The following PPP2R2B variants were observed in gnomAD, a reference collection of about 807,000 sequenced individuals.
The protein encoded by PPP2R2B is serine/threonine-protein phosphatase 2A 55 kDa regulatory subunit B beta isoform.
In PPP2R2B, 5 loss-of-function variants were observed where a neutral mutation model predicts 46.0. That is an observed-to-expected ratio of 0.11 (90% confidence interval 0.06 to 0.23). PPP2R2B has a LOEUF of 0.23. PPP2R2B is among the 10% of genes least tolerant of loss of function. PPP2R2B has a pLI of 1.00. For synonymous variants in PPP2R2B, 215 were observed against 206.7 expected (o/e 1.04, Z -0.34); for missense variants, 367 against 575.0 (o/e 0.64, Z 3.70).
intron 1 of PPP2R2B, chr5:147,040,733 G>A (rs1290676048): frequency 4.4e-6 from 2 of 450,034 alleles, no homozygotes; most frequent in South Asian, 3.2e-5. Flanking sequence ...ATTCTTGAAG[G>A]TTTAATAACA....
At chr5:146,920,344 G>A (rs1269482646) in intron 1 of PPP2R2B, among the ~76,000 whole-genome samples, 1 of 152,178 alleles carries the variant, frequency 6.6e-6, no homozygotes, top group Non-Finnish European at 1.5e-5. Context: ...GCCCTTACCA[G>A]GCCCAATACA....
At chr5:146,652,459 C>T (rs901290251) in intron 5 of PPP2R2B, among the ~76,000 whole-genome samples, 15 of 152,144 alleles carry the variant, frequency 9.9e-5, no homozygotes, top group African/African-American at 3.1e-4. Flanking sequence ...GGGAGATAGA[C>T]ATAATTAAAA....
At chr5:146,881,107 T>A (rs1561984299), upstream of PPP2R2B, among the ~76,000 whole-genome samples, 1 of 152,092 alleles carries the variant, frequency 6.6e-6, no homozygotes, top group Non-Finnish European at 1.5e-5. Flanking sequence ...GCTGCAGAGA[T>A]CAGTCTTCAA....
intron 2 of PPP2R2B, among the ~76,000 whole-genome samples, chr5:146,861,981 G>C (rs1004188415): frequency 2.6e-5 from 4 of 150,954 alleles, no homozygotes; most frequent in African/African-American, 9.8e-5. Flanking sequence ...AGTTTCAGTT[G>C]CTCAGTAAAT....
intron 5 of PPP2R2B, among the ~76,000 whole-genome samples, chr5:146,688,986 G>T (rs1226499927): frequency 6.6e-6 from 1 of 152,104 alleles, no homozygotes; most frequent in Non-Finnish European, 1.5e-5. Context: ...TACGGTGTTT[G>T]CCACTTAGTA....
intron 2 of PPP2R2B, among the ~76,000 whole-genome samples, chr5:146,745,897 G>A (rs1753163394): frequency 6.6e-6 from 1 of 152,030 alleles, no homozygotes; most frequent in African/African-American, 2.4e-5. Context: ...GGCGGAGGCT[G>A]CAGTGAGCCA....
intron 1 of PPP2R2B, among the ~76,000 whole-genome samples, chr5:147,034,665 T>C (rs1755952873): frequency 6.6e-6 from 1 of 152,230 alleles, no homozygotes; most frequent in Admixed American, 6.5e-5. Context: ...GTAATAATAA[T>C]GATTGTATAT....
chr5:146,926,121 AC>A (rs1763774647), intron 1 of PPP2R2B, among the ~76,000 whole-genome samples: 1 of 152,070 alleles, frequency 6.6e-6, no homozygotes, highest in South Asian at 2.1e-4. Context: ...ATTTTTGTCC[AC>A]GAATATTTGG....
rs1298166227 is a variant in PPP2R2B, at chr5:147,018,884, A to G, written c.79+36781T>C. The stretch of plus-strand genomic sequence containing the variant: ...ACATCAGGCAAACTCAGAACAGAAG[A>G]TGATGGTGGTTATTATTTTAAAAAA... On this transcript the variant is annotated intron_variant, in intron 1 of 8. Coordinates refer to the PPP2R2B transcript ENST00000336640. Among the ~76,000 whole-genome samples, 3 of 152,164 alleles carry G rather than the reference A, an allele frequency of 2.0e-5. No individual in the cohort carries two copies. In the East Asian group the frequency reaches 5.8e-4, roughly 29 times the overall value.
At chr5:146,606,565 A>C (rs932792080) in intron 7 of PPP2R2B, among the ~76,000 whole-genome samples, 1 of 152,238 alleles carries the variant, frequency 6.6e-6, no homozygotes, top group Non-Finnish European at 1.5e-5. Flanking sequence ...CACTTAGCAA[A>C]GCGTCTGTAC....
chr5:146,672,167 G>C (rs1777414860), intron 5 of PPP2R2B, among the ~76,000 whole-genome samples: 1 of 152,170 alleles, frequency 6.6e-6, no homozygotes, highest in Non-Finnish European at 1.5e-5. Context: ...TTCACAATGG[G>C]AGACATCCAA....
At chr5:146,960,534 C>T (rs554969732) in intron 1 of PPP2R2B, among the ~76,000 whole-genome samples, 27 of 152,238 alleles carry the variant, frequency 1.8e-4, no homozygotes, top group Admixed American at 5.2e-4. Flanking sequence ...GTGATCCACC[C>T]GCCTCAGCCT....
rs1301133133 is a variant in PPP2R2B at position 146,589,744 on chromosome 5, G to T, written c.*203C>A. On this transcript the variant is annotated 3_prime_UTR_variant, in exon 10 of 10. Coordinates refer to ENST00000394411, the MANE Select transcript of PPP2R2B (RefSeq NM_181675.4). ...AGCTGGCAGCTTTCAATTCTAAACA[G>T]AAGTGTCCCAAACCTATTGGGTTTG... 15 of 574,946 alleles carry T rather than the reference G, an allele frequency of 2.6e-5. No homozygotes were observed. Among genetic ancestry groups the T allele is most frequent in the Non-Finnish European group, 3.3e-5 (11 of 328,568 alleles). The allele number at this position is 574,946 out of a possible 1,614,324, so 35.6% of individuals were successfully genotyped here.
At chr5:147,051,229 T>C (rs1256091682) in intron 1 of PPP2R2B, among the ~76,000 whole-genome samples, 3 of 152,214 alleles carry the variant, frequency 2.0e-5, no homozygotes, top group Non-Finnish European at 4.4e-5. Context: ...ACTTGAGTCT[T>C]GGCTCTACCA....
intron 7 of PPP2R2B, among the ~76,000 whole-genome samples, chr5:146,626,283 C>T (rs563453977): frequency 4.9e-4 from 75 of 151,942 alleles, no homozygotes; most frequent in Non-Finnish European, 7.7e-4. Flanking sequence ...AGGGGAAAAA[C>T]GGGCTGTTGG....
intron 2 of PPP2R2B, among the ~76,000 whole-genome samples, chr5:147,068,100 A>G (rs889237696): frequency 1.3e-5 from 2 of 152,222 alleles, no homozygotes; most frequent in South Asian, 2.1e-4. Flanking sequence ...TATTAAAAAA[A>G]TAATGATCCG....
At chr5:146,648,757 G>A (rs1297033494) in intron 6 of PPP2R2B, among the ~76,000 whole-genome samples, 1 of 152,280 alleles carries the variant, frequency 6.6e-6, no homozygotes, top group South Asian at 2.1e-4. Context: ...CCATGTGAAT[G>A]CTGTGGGCAA....
chr5:147,081,261 T>C, exon 1 of PPP2R2B: 4 of 1,535,632 alleles, frequency 2.6e-6, no homozygotes, highest in Non-Finnish European at 3.5e-6. Flanking sequence ...GCACACCAGG[T>C]ATCATCTCGT....
At chr5:146,873,202 T>C (rs1561977202) in intron 2 of PPP2R2B, among the ~76,000 whole-genome samples, 1 of 152,214 alleles carries the variant, frequency 6.6e-6, no homozygotes, top group Non-Finnish European at 1.5e-5. Context: ...CTGCACCCAA[T>C]CATAGTAAGT....
Sources: gnomAD v4.1 joint callset for allele counts (sites outside exome capture counted in the v4.1 genomes callset) on GRCh38, gnomAD v4.1.1 for gene constraint, MANE v1.5 for transcripts, NCBI Gene and HGNC (gene_info 2026-07-23, HGNC 2026-07-21) for gene names.